Variants in TSHZ2 observed in about 807,000 individuals in gnomAD.
The protein encoded by TSHZ2 is teashirt homolog 2.
In TSHZ2, 21 loss-of-function variants were observed where a neutral mutation model predicts 74.4. That is an observed-to-expected ratio of 0.28 (90% CI 0.20 to 0.41). The LOEUF (loss-of-function observed/expected upper bound fraction) is 0.41. Among genes scored for constraint, TSHZ2 ranks in the 10% least tolerant of loss-of-function variants. TSHZ2 has a pLI of 1.00. For missense variants in TSHZ2, 1,244 were observed against 1,293.5 expected (o/e 0.96, Z 0.59); for synonymous variants, 540 against 515.3 (o/e 1.05, Z -0.65).
intron 2 of TSHZ2, among the ~76,000 whole-genome samples, chr20:53,462,501 C>G (rs977776537): frequency 1.3e-5 from 2 of 152,146 alleles, no homozygotes; most frequent in African/African-American, 4.8e-5. Context: ...CTTTACCTTC[C>G]CTACTGCCAC....
intron 2 of TSHZ2, among the ~76,000 whole-genome samples, chr20:53,403,511 CA>C (rs1982743141): frequency 6.6e-6 from 1 of 152,082 alleles, no homozygotes; most frequent in Non-Finnish European, 1.5e-5. Context: ...AAATGTCCAC[CA>C]AGAAGTGAGG....
chr20:53,219,983 G>A (rs1989517910), intron 1 of TSHZ2, among the ~76,000 whole-genome samples: 1 of 152,174 alleles, frequency 6.6e-6, no homozygotes, highest in South Asian at 2.1e-4. Flanking sequence ...GAAAAACAGA[G>A]ACAGAGAGCT....
chr20:53,023,463 G>T (rs961059444), intron 1 of TSHZ2, among the ~76,000 whole-genome samples: 15 of 152,098 alleles, frequency 9.9e-5, no homozygotes, highest in Admixed American at 6.6e-4. Context: ...TTAACCAAAT[G>T]GTTTTGGCAA....
chr20:53,112,615 A>G (rs1986565011), intron 1 of TSHZ2, among the ~76,000 whole-genome samples: 1 of 152,060 alleles, frequency 6.6e-6, no homozygotes, highest in Non-Finnish European at 1.5e-5. Flanking sequence ...TGCAGCCTCA[A>G]CCTCCTGGGC....
intron 1 of TSHZ2, among the ~76,000 whole-genome samples, chr20:53,121,689 T>A (rs1247950977): frequency 6.6e-6 from 1 of 152,200 alleles, no homozygotes; most frequent in Non-Finnish European, 1.5e-5. Flanking sequence ...ATAATGTTTT[T>A]AAAAGTGTAT....
intron 1 of TSHZ2, among the ~76,000 whole-genome samples, chr20:53,114,190 C>T (rs1332394302): frequency 6.6e-6 from 1 of 151,774 alleles, no homozygotes; most frequent in East Asian, 1.9e-4. Flanking sequence ...AAGACTCTTA[C>T]TTTTCTAATC....
chr20:53,192,814 G>A (rs1057483949), intron 1 of TSHZ2, among the ~76,000 whole-genome samples: 4 of 152,150 alleles, frequency 2.6e-5, no homozygotes, highest in African/African-American at 4.8e-5. Flanking sequence ...TTTCATCATT[G>A]GGCAATTTTT....
At chr20:53,336,207 GAGA>G (rs1979943591) in intron 2 of TSHZ2, among the ~76,000 whole-genome samples, 1 of 152,178 alleles carries the variant, frequency 6.6e-6, no homozygotes, top group Non-Finnish European at 1.5e-5. Flanking sequence ...AGCTGCAGGA[GAGA>G]AGGTGAGGGC....
chr20:53,200,648 TTTTGTTTGTTTG>T (rs149843994), intron 1 of TSHZ2, among the ~76,000 whole-genome samples: 3 of 151,894 alleles, frequency 2.0e-5, no homozygotes, highest in Admixed American at 1.3e-4. Context: ...TTTGGGGGAT[TTTTGTTTGTTTG>T]TTTGTTTGTT....
chr20:53,189,927 T>C (rs1344344084), intron 1 of TSHZ2, among the ~76,000 whole-genome samples: 3 of 149,366 alleles, frequency 2.0e-5, no homozygotes, highest in Non-Finnish European at 4.5e-5. Context: ...CTACGAAAAA[T>C]ACAAAAATTA....
intron 2 of TSHZ2, among the ~76,000 whole-genome samples, chr20:53,371,496 G>A (rs187060624): frequency 5.7e-4 from 87 of 152,338 alleles, no homozygotes; most frequent in Middle Eastern, 3.4e-3. Flanking sequence ...TGGGATGGCT[G>A]TATGAAGGAC....
chr20:53,351,015 C>T (rs1246861381), intron 2 of TSHZ2, among the ~76,000 whole-genome samples: 1 of 152,162 alleles, frequency 6.6e-6, no homozygotes, highest in Non-Finnish European at 1.5e-5. Flanking sequence ...TAATTTTTGG[C>T]CTCAGAATAT....
rs115169203 is a variant in TSHZ2, at chr20:53,369,909, C to T, written c.*8+113338C>T. On this transcript the variant is annotated intron_variant, in intron 2 of 2. Transcript: ENST00000371497. ...TTTTCCACTACACTGGTGATAGAAA[C>T]GCCTTTCTTTAATGCAAAGATGGTA... Among the ~76,000 whole-genome samples, 308 of 152,258 alleles carry T rather than the reference C, an allele frequency of 2.0e-3. 1 individual carries two copies. The highest frequency in any genetic ancestry group is 7.0e-3 in the African/African-American group (289 of 41,544).
At chr20:52,988,024 TCTTC>T (rs1333987990) in intron 1 of TSHZ2, among the ~76,000 whole-genome samples, 3 of 152,204 alleles carry the variant, frequency 2.0e-5, no homozygotes, top group Non-Finnish European at 2.9e-5. Flanking sequence ...TCTTTTTTAT[TCTTC>T]CTTCATTTCC....
At chr20:53,226,455 T>C (rs1236986381) in intron 1 of TSHZ2, among the ~76,000 whole-genome samples, 2 of 152,086 alleles carry the variant, frequency 1.3e-5, no homozygotes, top group Non-Finnish European at 2.9e-5. Context: ...TGTGTGTGTA[T>C]GTGTAACTCT....
intron 1 of TSHZ2, among the ~76,000 whole-genome samples, chr20:53,241,997 T>C (rs1009037495): frequency 2.6e-5 from 4 of 152,198 alleles, no homozygotes; most frequent in African/African-American, 9.6e-5. Flanking sequence ...CTTTTACTTT[T>C]GAACCACTCT....
At chr20:52,994,867 C>CCA (rs1308767247) in intron 1 of TSHZ2, among the ~76,000 whole-genome samples, 1 of 152,188 alleles carries the variant, frequency 6.6e-6, no homozygotes, top group Non-Finnish European at 1.5e-5. Context: ...CGAGAGTCCA[C>CCA]CACATGCCAG....
At position 53,485,094 on chromosome 20, in the gene TSHZ2, C is replaced by T. The variant is rs895862793; in HGVS notation, c.*9-2050C>T. Among the ~76,000 whole-genome samples the T allele has an allele frequency of 1.2e-4, 19 of 152,300 alleles. No individual in the cohort carries two copies. The South Asian group carries it at 3.3e-3, about 27-fold the overall frequency. On this transcript the variant is annotated intron_variant, in intron 2 of 2. Transcript: ENST00000371497. ...GCAAAGTTCTTGGAAAGAAAAATCA[C>T]CCTGTTATTAAGTAGCACTTCTCTA...
At chr20:52,987,142 A>C (rs1600631302) in intron 1 of TSHZ2, among the ~76,000 whole-genome samples, 1 of 152,212 alleles carries the variant, frequency 6.6e-6, no homozygotes, top group East Asian at 1.9e-4. Context: ...CGGGAAGCTC[A>C]GGAAAGTCTT....
Sources: gnomAD v4.1 joint callset for allele counts (sites outside exome capture counted in the v4.1 genomes callset) on GRCh38, gnomAD v4.1.1 for gene constraint, MANE v1.5 for transcripts, NCBI Gene and HGNC (gene_info 2026-07-23, HGNC 2026-07-21) for gene names.